IRF4: variants seen among roughly 807,000 people sequenced by gnomAD.
The protein encoded by IRF4 is lymphocyte-specific interferon regulatory factor.
IRF4 carries 13 observed loss-of-function variants against 55.5 expected under a neutral mutation model. The ratio of observed to expected loss-of-function variants is 0.23; its 90% confidence interval spans 0.15 to 0.37. The LOEUF is 0.37. Among genes scored for constraint, IRF4 ranks in the 10% least tolerant of loss-of-function variants. The pLI, the probability that IRF4 is intolerant of heterozygous loss-of-function variation, is 1.00. For missense variants in IRF4, 397 were observed against 593.8 expected (o/e 0.67, Z 3.44); for synonymous variants, 249 against 240.7 (o/e 1.03, Z -0.32).
rs1323641469 is a variant in IRF4 at position 401,614 on chromosome 6, G to A, written c.936G>A (p.Glu312=). 9.3e-6 allele frequency: 15 copies of A among 1,614,202 alleles called. No individual in the cohort carries two copies. Among genetic ancestry groups the A allele is most frequent in the Non-Finnish European group, 1.1e-5 (13 of 1,180,046 alleles). The change falls in exon 7 of 9, where the codon GAG becomes GAA. Residue 312 remains glutamate, a synonymous_variant. Transcript: ENST00000380956. Reference sequence around the variant, plus strand: ...TTGAGAAGCTGCTGAGCCACCTGGAGAGGGGCGTGGTCCTCTGGATGGCCC... The same window carrying A: ...TTGAGAAGCTGCTGAGCCACCTGGAAAGGGGCGTGGTCCTCTGGATGGCCC... ...KNIEKLLSHL[E]RGVVLWMAPD...
At position 409,371 on chromosome 6, in the gene IRF4, T is replaced by C. The variant is rs1761633474; in HGVS notation, c.*1773T>C. 1 of 199,556 alleles carries C rather than the reference T, an allele frequency of 5.0e-6. No individual in the cohort carries two copies. The highest frequency in any genetic ancestry group is 2.3e-5 in the African/African-American group (1 of 43,446). The allele number at this position is 199,556 out of a possible 1,614,324, so 12.4% of individuals were successfully genotyped here. The stretch of plus-strand genomic sequence containing the variant: ...CCTTTTTTCCCAGCCCAAATTCTCC[T>C]CTCTAAAAGTGTCCACAAGAAGGGG... On this transcript the variant is annotated 3_prime_UTR_variant, in exon 9 of 9. Transcript: ENST00000380956.
chr6:406,294 G>A (rs200581037), intron 8 of IRF4, among the ~76,000 whole-genome samples: 8 of 152,138 alleles, frequency 5.3e-5, no homozygotes, highest in African/African-American at 7.2e-5. Context: ...CTGTAATCCC[G>A]GCACTTTGGG....
rs1761634028 is a variant in IRF4 at position 409,405 on chromosome 6, C to T, written c.*1807C>T. 5.0e-6 allele frequency: 1 copy of T among 201,952 alleles called. No individual in the cohort carries two copies. Among genetic ancestry groups the T allele is most frequent in the South Asian group, 1.9e-4 (1 of 5,236 alleles). The allele number at this position is 201,952 out of a possible 1,614,324, so 12.5% of individuals were successfully genotyped here. On this transcript the variant is annotated 3_prime_UTR_variant, in exon 9 of 9. Coordinates refer to ENST00000380956, the MANE Select transcript of IRF4 (RefSeq NM_002460.4). ...GTGTCCACAAGAAGGGGTGTTTATT[C>T]TTCCAACACATTTCACTTTTCTGTA...
At chr6:392,691 G>C (rs1581220165) in intron 1 of IRF4, among the ~76,000 whole-genome samples, 1 of 36,378 alleles carries the variant, frequency 2.7e-5, no homozygotes, top group Admixed American at 2.2e-4. Flanking sequence ...ACAGAGTCGC[G>C]GGGAAGGGGC....
chr6:393,456 C>T lies in IRF4; in HGVS notation c.216+88C>T. 1 of 980,214 alleles carries T rather than the reference C, an allele frequency of 1.0e-6. No homozygotes were observed. Among genetic ancestry groups the T allele is most frequent in the South Asian group, 3.0e-5 (1 of 32,796 alleles). The allele number at this position is 980,214 out of a possible 1,614,324, so 60.7% of individuals were successfully genotyped here. On this transcript the variant is annotated intron_variant, in intron 2 of 8. Transcript: ENST00000380956. This position sits in a 1 kb window ranked among gnomAD's most constrained non-coding sequence, Gnocchi z 5.4. ...CCCCGGCGCCGCCTCCGAGGCGAGCCCAGGGGACCGCGCGGGGCGGACGGG... is the reference window on the plus strand; with the variant it reads ...CCCCGGCGCCGCCTCCGAGGCGAGCTCAGGGGACCGCGCGGGGCGGACGGG...
intron 1 of IRF4, among the ~76,000 whole-genome samples, 187 bp from the exon 2 acceptor site, chr6:392,911 C>T (rs937674710): frequency 6.6e-6 from 1 of 151,248 alleles, no homozygotes; most frequent in Non-Finnish European, 1.5e-5. Flanking sequence ...CTGTGCCCGC[C>T]CAGGGGATGC....
chr6:405,848 A>T (rs1471868457), intron 8 of IRF4, among the ~76,000 whole-genome samples: 1 of 152,236 alleles, frequency 6.6e-6, no homozygotes, highest in Admixed American at 6.5e-5. Flanking sequence ...GCCATGGGAA[A>T]CAGAATCTTG....
At chr6:394,325 T>A (rs990837164) in intron 2 of IRF4, among the ~76,000 whole-genome samples, 5 of 152,182 alleles carry the variant, frequency 3.3e-5, no homozygotes, top group African/African-American at 9.7e-5. Flanking sequence ...TGTCTTCAAC[T>A]TGGCAGTGAT....
rs912808914 is a variant in IRF4 at position 393,661 on chromosome 6, G to C, written c.216+293G>C. ...CGGCCAAAGGCTTGAGGGGTTTTGC[G>C]CGTTCGTCCGTGCGTTCTCGTTTCC... On this transcript the variant is annotated intron_variant, in intron 2 of 8. Transcript: ENST00000380956. This position sits in a 1 kb window ranked among gnomAD's most constrained non-coding sequence, Gnocchi z 5.4. 6.6e-6 allele frequency among the ~76,000 whole-genome samples: 1 copy of C among 152,130 alleles called. No individual in the cohort carries two copies. Among genetic ancestry groups the C allele is most frequent in the Non-Finnish European group, 1.5e-5 (1 of 68,004 alleles).
At position 410,721 on chromosome 6, in the gene IRF4, T is replaced by TC; in HGVS notation, c.*3125dup. The TC allele has an allele frequency of 4.3e-6, 1 of 231,748 alleles. No homozygotes were observed. Among genetic ancestry groups the TC allele is most frequent in the Middle Eastern group, 1.3e-3 (1 of 772 alleles). 14.4% of individuals were successfully genotyped at this position (231,748 alleles called of 1,614,324 possible). ...TAACAATTCAGATCCAGTGTAAACT[T>TC]CCGTTCATTGCTCTCCAGTCACATG... On this transcript the variant is annotated 3_prime_UTR_variant, in exon 9 of 9. Transcript: ENST00000380956.
At position 411,046 on chromosome 6, in the gene IRF4, G is replaced by A. The variant is rs1761689397; in HGVS notation, c.*3448G>A. ...GCTTTGAGGAACATGCATAAGAAAT[G>A]TAGCTGAAGTAGAGGGGACGTGAGA... is the stretch of plus-strand genomic sequence containing the variant. On this transcript the variant is annotated 3_prime_UTR_variant, in exon 9 of 9. Coordinates refer to ENST00000380956, the MANE Select transcript of IRF4 (RefSeq NM_002460.4). 1 of 233,516 alleles carries A rather than the reference G, an allele frequency of 4.3e-6. No homozygotes were observed. Among genetic ancestry groups the A allele is most frequent in the Middle Eastern group, 1.3e-3 (1 of 786 alleles). The allele number at this position is 233,516 out of a possible 1,614,324, so 14.5% of individuals were successfully genotyped here.
At position 411,290 on chromosome 6, in the gene IRF4, C is replaced by T; in HGVS notation, c.*3692C>T. On this transcript the variant is annotated 3_prime_UTR_variant, in exon 9 of 9. Transcript: ENST00000380956. ...TACTGGCTCTGCGTTTTGCTGAGATCTGTAGGAAAGGATGCTTCACAAACT... is the reference window on the plus strand; with the variant it reads ...TACTGGCTCTGCGTTTTGCTGAGATTTGTAGGAAAGGATGCTTCACAAACT... 4.4e-6 allele frequency: 1 copy of T among 226,954 alleles called. No homozygotes were observed. The highest frequency in any genetic ancestry group is 8.8e-6 in the Non-Finnish European group (1 of 113,932). The allele number at this position is 226,954 out of a possible 1,614,324, so 14.1% of individuals were successfully genotyped here.
intron 6 of IRF4, among the ~76,000 whole-genome samples, chr6:400,390 A>G (rs1261290149): frequency 6.6e-6 from 1 of 152,140 alleles, no homozygotes; most frequent in Non-Finnish European, 1.5e-5. Context: ...CATGGGCGAT[A>G]TTTTAAAGAG....
At chr6:407,066 TCC>T (rs1761565581) in intron 8 of IRF4, among the ~76,000 whole-genome samples, 1 of 152,236 alleles carries the variant, frequency 6.6e-6, no homozygotes, top group Non-Finnish European at 1.5e-5. Flanking sequence ...CAGGATGAGC[TCC>T]TTGTTTCTTT....
At chr6:398,965 C>A in intron 6 of IRF4, 30 bp downstream of exon 6, 1 of 1,470,984 alleles carries the variant, frequency 6.8e-7, no homozygotes, top group Admixed American at 1.8e-5. Context: ...CTGGAGGCAC[C>A]GCAGGAGGCC....
chr6:407,504 G>A lies in IRF4; in HGVS notation c.1262G>A (p.Ser421Asn). The A allele has an allele frequency of 6.2e-7, 1 of 1,612,508 alleles. No individual in the cohort carries two copies. Among genetic ancestry groups the A allele is most frequent in the African/African-American group, 1.3e-5 (1 of 74,928 alleles). ...RQLYYFAQQN[S>N]GHFLRGYDLP... Reference sequence around the variant, plus strand: ...CTATATTATTTTGCTCAACAAAACAGTGGACATTTCCTGAGGGGCTACGAT... The same window carrying A: ...CTATATTATTTTGCTCAACAAAACAATGGACATTTCCTGAGGGGCTACGAT... The change falls in exon 9 of 9, where the codon AGT (serine) becomes AAT (asparagine). Residue 421 changes from serine to asparagine, a missense_variant. By Grantham distance (46) the Ser-to-Asn change is conservative. Around this residue, in one of 3 missense-constraint regions of IRF4, gnomAD observed 341 missense variants for 548.1 expected, o/e 0.62. Coordinates refer to ENST00000380956, the MANE Select transcript of IRF4 (RefSeq NM_002460.4).
intron 6 of IRF4, among the ~76,000 whole-genome samples, chr6:400,257 A>G (rs1176177886): frequency 1.3e-5 from 2 of 152,186 alleles, no homozygotes; most frequent in Non-Finnish European, 2.9e-5. Flanking sequence ...TTTATTAGAT[A>G]ACTGTGATTC....
At chr6:395,043 G>A (rs1247161879) in intron 3 of IRF4, 36 bp downstream of exon 3, 1 of 1,509,748 alleles carries the variant, frequency 6.6e-7, no homozygotes, top group African/African-American at 1.4e-5. Flanking sequence ...ACCTAACAGA[G>A]GCAGCCAGAT....
chr6:393,418 C>G lies in IRF4; in HGVS notation c.216+50C>G, dbSNP rs190519428. The G allele has an allele frequency of 2.9e-6, 4 of 1,361,568 alleles. No individual in the cohort carries two copies. In the Admixed American group the frequency reaches 1.0e-4, roughly 34 times the overall value. The allele number at this position is 1,361,568 out of a possible 1,614,324, so 84.3% of individuals were successfully genotyped here. On this transcript the variant is annotated intron_variant, in intron 2 of 8. Transcript: ENST00000380956. This position sits in a 1 kb window ranked among gnomAD's most constrained non-coding sequence, Gnocchi z 5.4. ...GGGCGCGCCGGGGAGGGCCCAGAGA[C>G]AGAGCCCGGGGTCCCCGGCGCCGCC...
Sources: gnomAD v4.1 joint callset for allele counts (sites outside exome capture counted in the v4.1 genomes callset) on GRCh38, gnomAD v4.1.1 for gene constraint, gnomAD v4.1.1 regional missense constraint, Gnocchi (gnomAD v3.1) non-coding constraint, MANE v1.5 for transcripts, NCBI Gene and HGNC (gene_info 2026-07-23, HGNC 2026-07-21) for gene names.